The following FILIP1L variants were observed in gnomAD, a reference collection of about 807,000 sequenced individuals.
FILIP1L encodes filamin A interacting protein 1 like.
In FILIP1L, 55 loss-of-function variants were observed where a neutral mutation model predicts 96.6. That is an observed-to-expected ratio of 0.57 (90% CI 0.46 to 0.71). FILIP1L has a LOEUF of 0.71. FILIP1L is among the 30% of genes least tolerant of loss of function. The pLI is 0.00. For missense variants in FILIP1L, 1,304 were observed against 1,321.2 expected (o/e 0.99, Z 0.20); for synonymous variants, 467 against 473.9 (o/e 0.99, Z 0.19).
At chr3:100,087,379 G>A (rs1053818570) in intron 1 of FILIP1L, among the ~76,000 whole-genome samples, 1 of 152,324 alleles carries the variant, frequency 6.6e-6, no homozygotes, top group Middle Eastern at 3.4e-3. Context: ...CAGTGGGTTA[G>A]TTTGGTTTTG....
chr3:100,054,494 TATG>T (rs773469194), intron 1 of FILIP1L, among the ~76,000 whole-genome samples: 13 of 33,798 alleles, frequency 3.8e-4, no homozygotes, highest in Non-Finnish European at 6.8e-4. Flanking sequence ...TATGTTTTGT[TATG>T]TTATGTTATG....
chr3:99,941,482 G>C (rs1017079658), intron 1 of FILIP1L, among the ~76,000 whole-genome samples: 1 of 152,186 alleles, frequency 6.6e-6, no homozygotes, highest in African/African-American at 2.4e-5. Context: ...GGTAGAAGGT[G>C]GATGAAAAAC....
At chr3:100,001,354 G>A (rs567391506) in intron 1 of FILIP1L, among the ~76,000 whole-genome samples, 12 of 152,238 alleles carry the variant, frequency 7.9e-5, no homozygotes, top group Admixed American at 2.0e-4. Context: ...GAGTAGCTGC[G>A]ACAGAGATCA....
intron 4 of FILIP1L, among the ~76,000 whole-genome samples, chr3:99,923,205 C>T (rs1004823111): frequency 3.3e-5 from 5 of 152,090 alleles, no homozygotes; most frequent in African/African-American, 1.2e-4. Context: ...ACACCAACAC[C>T]CACAGTTTCA....
intron 1 of FILIP1L, among the ~76,000 whole-genome samples, chr3:100,001,104 G>C (rs1709829635): frequency 6.6e-6 from 1 of 152,106 alleles, no homozygotes. Flanking sequence ...AGTTATTTTA[G>C]AGGTTAGCTG....
intron 1 of FILIP1L, among the ~76,000 whole-genome samples, chr3:99,978,562 C>T (rs1231827526): frequency 6.6e-6 from 1 of 152,196 alleles, no homozygotes; most frequent in Non-Finnish European, 1.5e-5. Context: ...CACATATTCT[C>T]ATTCATATGT....
At chr3:100,067,071 T>G (rs2065678705) in intron 1 of FILIP1L, among the ~76,000 whole-genome samples, 1 of 152,228 alleles carries the variant, frequency 6.6e-6, no homozygotes. Context: ...TTAGGTTAAC[T>G]GTCACAGGGC....
rs1238225925 is a variant in FILIP1L at position 99,931,172 on chromosome 3, A to G, written c.-10-142T>C. On this transcript the variant is annotated intron_variant, in intron 1 of 5. Coordinates refer to ENST00000477258, the MANE Select transcript of FILIP1L (RefSeq NM_001387850.1). The stretch of plus-strand genomic sequence containing the variant: ...ATCTTTTTGATGTCTACAGCAGAGA[A>G]GGATATTAGCAGATTCATAAATCAC... 4.5e-5 allele frequency: 30 copies of G among 669,914 alleles called. No individual in the cohort carries two copies. The South Asian group carries it at 4.7e-4, about 10-fold the overall frequency. The allele number at this position is 669,914 out of a possible 1,614,324, so 41.5% of individuals were successfully genotyped here. A position where few individuals can be genotyped will look rare whatever the true frequency, so the allele number is the denominator to read the frequency against.
At chr3:99,861,876 G>A (rs1559664473) in intron 4 of FILIP1L, among the ~76,000 whole-genome samples, 5 of 152,248 alleles carry the variant, frequency 3.3e-5, no homozygotes, top group South Asian at 2.1e-4. Context: ...AGTGTGACTT[G>A]AGCAAGCAAT....
At chr3:99,935,317 T>C (rs1707628469) in intron 1 of FILIP1L, among the ~76,000 whole-genome samples, 2 of 152,090 alleles carry the variant, frequency 1.3e-5, no homozygotes, top group South Asian at 2.1e-4. Context: ...AATGATACTT[T>C]ACTCTTCATG....
chr3:100,101,761 C>T (rs1319718525), intron 1 of FILIP1L, among the ~76,000 whole-genome samples: 1 of 151,876 alleles, frequency 6.6e-6, no homozygotes, highest in Non-Finnish European at 1.5e-5. Flanking sequence ...CTAATGCTAT[C>T]CCTCCCCGCT....
intron 1 of FILIP1L, among the ~76,000 whole-genome samples, chr3:100,094,879 G>A (rs183149967): frequency 1.8e-4 from 27 of 151,666 alleles, no homozygotes; most frequent in Admixed American, 2.6e-4. Context: ...TAGTAGAGAC[G>A]GGGTTTTATC....
At chr3:99,833,027 T>A in intron 5 of FILIP1L, 1 of 557,516 alleles carries the variant, frequency 1.8e-6, no homozygotes, top group Non-Finnish European at 3.2e-6. Flanking sequence ...GAGAAATACA[T>A]GCATATGGCT....
intron 1 of FILIP1L, among the ~76,000 whole-genome samples, chr3:99,972,440 C>G (rs969965206): frequency 2.0e-5 from 3 of 152,184 alleles, no homozygotes; most frequent in African/African-American, 7.2e-5. Flanking sequence ...ACGTCCCCGT[C>G]CCCATTTGAG....
intron 4 of FILIP1L, among the ~76,000 whole-genome samples, chr3:99,886,363 A>G (rs1431210564): frequency 1.3e-5 from 2 of 152,082 alleles, no homozygotes; most frequent in East Asian, 3.9e-4. Context: ...GGAAGAAGAA[A>G]TCTCTTGTAC....
chr3:99,881,114 T>G (rs1168702633), intron 4 of FILIP1L, among the ~76,000 whole-genome samples: 1 of 152,138 alleles, frequency 6.6e-6, no homozygotes, highest in Non-Finnish European at 1.5e-5. Context: ...CATCTGTTGG[T>G]AAGAGACTTC....
chr3:100,049,505 CAT>C (rs1410748942), intron 1 of FILIP1L, among the ~76,000 whole-genome samples: 2 of 152,132 alleles, frequency 1.3e-5, no homozygotes, highest in Non-Finnish European at 1.5e-5. Flanking sequence ...ACTTCCAAAA[CAT>C]ATGCAGTACA....
chr3:100,056,170 A>C (rs1203021554), intron 1 of FILIP1L, among the ~76,000 whole-genome samples: 2 of 152,212 alleles, frequency 1.3e-5, no homozygotes, highest in African/African-American at 4.8e-5. Context: ...ATTTTACATT[A>C]CAAAAATGGT....
chr3:100,099,737 T>C (rs1042103833), intron 1 of FILIP1L, among the ~76,000 whole-genome samples: 1 of 152,160 alleles, frequency 6.6e-6, no homozygotes, highest in Non-Finnish European at 1.5e-5. Flanking sequence ...AGGGATAAGA[T>C]TAAAACCTCT....
Sources: allele counts gnomAD v4.1 joint callset (sites outside exome capture counted in the v4.1 genomes callset), GRCh38; gene constraint gnomAD v4.1.1; transcripts MANE v1.5; gene names NCBI Gene and HGNC (gene_info 2026-07-23, HGNC 2026-07-21).